ZNF721: variants seen among roughly 807,000 people sequenced by gnomAD.
ZNF721 encodes the protein zinc finger protein 721.
In ZNF721, 2 loss-of-function variants were observed where a neutral mutation model predicts 2.4. The ratio of observed to expected loss-of-function variants is 0.82; its 90% confidence interval spans 0.34 to 2.58. The LOEUF (loss-of-function observed/expected upper bound fraction) is 2.58, where lower values mean the gene tolerates loss of function less well. Among genes scored for constraint, ZNF721 ranks in the 30% most tolerant of loss-of-function variants. The pLI, the probability that ZNF721 is intolerant of heterozygous loss-of-function variation, is 0.11. For synonymous variants in ZNF721, 398 were observed against 381.8 expected (o/e 1.04, Z -0.50); for missense variants, 1,187 against 1,085.5 (o/e 1.09, Z -1.31).
Position 499,112 on chromosome 4 carries a change from G to A in ZNF721, c.-150C>T. 2 of 565,818 alleles carry A rather than the reference G, an allele frequency of 3.5e-6. No individual in the cohort carries two copies. Among genetic ancestry groups the A allele is most frequent in the South Asian group, 2.4e-5 (1 of 42,420 alleles). 35.0% of individuals were successfully genotyped at this position (565,818 alleles called of 1,614,324 possible). A position where few individuals can be genotyped will look rare whatever the true frequency, so the allele number is the denominator to read the frequency against. On this transcript the variant is annotated 5_prime_UTR_variant, in exon 1 of 3. Transcript: ENST00000511833. ...CCGGGAAGACGGCCCCACGGAGCCG[G>A]GAACACCGCCCGCTGTTCGTATGTC...
chr4:449,162 T>G (rs1401375304), intron 2 of ZNF721, among the ~76,000 whole-genome samples: 1 of 152,160 alleles, frequency 6.6e-6, no homozygotes, highest in Non-Finnish European at 1.5e-5. Flanking sequence ...ATAACAACGT[T>G]AATATGACTA....
At chr4:467,610 G>C (rs781991282) in intron 2 of ZNF721, among the ~76,000 whole-genome samples, 3 of 152,200 alleles carry the variant, frequency 2.0e-5, no homozygotes, top group Admixed American at 6.5e-5. Context: ...ATGCAGCTTG[G>C]TCTTACTGAG....
At chr4:491,282 G>A (rs572805373) in intron 1 of ZNF721, among the ~76,000 whole-genome samples, 11 of 152,186 alleles carry the variant, frequency 7.2e-5, no homozygotes, top group African/African-American at 1.4e-4. Flanking sequence ...GACGAGTGTG[G>A]TGGCAGGTGC....
intron 1 of ZNF721, among the ~76,000 whole-genome samples, chr4:476,274 A>C (rs1294629735): frequency 6.6e-6 from 1 of 152,162 alleles, no homozygotes; most frequent in African/African-American, 2.4e-5. Flanking sequence ...GTCCTACTCA[A>C]ACTAATCACC....
At chr4:474,225 C>A (rs534629881) in intron 1 of ZNF721, 1 of 385,694 alleles carries the variant, frequency 2.6e-6, no homozygotes, top group Non-Finnish European at 5.0e-6. Context: ...GTCAAGCGCT[C>A]TGATTGGATA....
rs187147311 is a variant in ZNF721 at position 471,547 on chromosome 4, C to G, written c.34+1028G>C. ...AAAGTAGAATGGCGATTGTTAGTGCCTAAGGGTGGGAATATGAGATGTTCA... is the reference window on the plus strand; with the variant it reads ...AAAGTAGAATGGCGATTGTTAGTGCGTAAGGGTGGGAATATGAGATGTTCA... On this transcript the variant is annotated intron_variant, in intron 2 of 2. Transcript: ENST00000511833. Among the ~76,000 whole-genome samples the G allele has an allele frequency of 9.2e-5, 14 of 152,094 alleles. No individual in the cohort carries two copies. In the East Asian group the frequency reaches 2.7e-3, roughly 29 times the overall value.
intron 2 of ZNF721, among the ~76,000 whole-genome samples, chr4:444,861 T>C (rs1553863970): frequency 6.6e-6 from 1 of 152,096 alleles, no homozygotes; most frequent in East Asian, 1.9e-4. Flanking sequence ...AAAACAGTGC[T>C]GAAAGAAATG....
In ZNF721 at chr4:444,011, C is replaced by G; in HGVS notation, c.456G>C (p.Leu152=). The change falls in exon 3 of 3, where the codon CTG becomes CTC. Residue 152 remains leucine, a synonymous_variant. Transcript: ENST00000511833. The part of the protein sequence containing the change: ...RGKDFGWYTD[L]NQHKKIHTGE... ...CAGTATGAATTTTCTTGTGTTGATTCAGGTCTGTGTACCATCCAAAGTCTT... is the reference window on the plus strand; with the variant it reads ...CAGTATGAATTTTCTTGTGTTGATTGAGGTCTGTGTACCATCCAAAGTCTT... The G allele has an allele frequency of 6.2e-7, 1 of 1,613,614 alleles. No individual in the cohort carries two copies.
At chr4:464,944 G>C (rs1715196703) in intron 2 of ZNF721, among the ~76,000 whole-genome samples, 1 of 151,780 alleles carries the variant, frequency 6.6e-6, no homozygotes, top group Non-Finnish European at 1.5e-5. Context: ...AATTGGCCAG[G>C]TGTGGTGGCA....
chr4:443,417 T>C lies in ZNF721; in HGVS notation c.1050A>G (p.Val350=), dbSNP rs377113244. 9.3e-6 allele frequency: 15 copies of C among 1,613,082 alleles called. No individual in the cohort carries two copies. The highest frequency in any genetic ancestry group is 3.3e-5 in the South Asian group (3 of 90,996). ...KTFRQSANLY[V]HRRIHTGEKP... ...TCTCTCCAGTATGAATTCTCCTATG[T>C]ACGTAAAGGTTTGCGGACTGTCTAA... The change falls in exon 3 of 3, where the codon GTA becomes GTG. Residue 350 remains valine (V), a synonymous_variant. Transcript: ENST00000511833.
chr4:452,101 A>T (rs540900198), intron 2 of ZNF721, among the ~76,000 whole-genome samples: 5 of 152,306 alleles, frequency 3.3e-5, no homozygotes, highest in African/African-American at 1.2e-4. Flanking sequence ...TGCTAATCTG[A>T]CATCCTGACT....
chr4:452,453 T>G (rs1312200337), intron 2 of ZNF721, among the ~76,000 whole-genome samples: 4 of 152,212 alleles, frequency 2.6e-5, no homozygotes, highest in Non-Finnish European at 4.4e-5. Flanking sequence ...AGACATCATA[T>G]GCCCCACATG....
intron 1 of ZNF721, among the ~76,000 whole-genome samples, chr4:496,305 G>A (rs562064572): frequency 6.6e-6 from 1 of 152,238 alleles, no homozygotes; most frequent in Non-Finnish European, 1.5e-5. Flanking sequence ...CCCCCGAACT[G>A]GTTGGGTTCA....
At chr4:483,162 G>A (rs1489185689) in intron 1 of ZNF721, among the ~76,000 whole-genome samples, 3 of 152,210 alleles carry the variant, frequency 2.0e-5, no homozygotes, top group African/African-American at 7.2e-5. Context: ...AGATGTTCAG[G>A]TGGAGCATCA....
At chr4:466,622 CTG>C (rs1715260857) in intron 2 of ZNF721, among the ~76,000 whole-genome samples, 1 of 152,034 alleles carries the variant, frequency 6.6e-6, no homozygotes, top group East Asian at 1.9e-4. Context: ...GTTCCTGTTT[CTG>C]TAGAAATTTC....
chr4:444,943 T>G (rs1428204945), intron 2 of ZNF721, among the ~76,000 whole-genome samples: 1 of 151,474 alleles, frequency 6.6e-6, no homozygotes, highest in Admixed American at 6.6e-5. Flanking sequence ...ACTGAAGTGC[T>G]GAATACAGGC....
At position 441,838 on chromosome 4, in the gene ZNF721, A is replaced by C; in HGVS notation, c.2629T>G (p.Ser877Ala). The change falls in exon 3 of 3, where the codon TCT becomes GCT. Residue 877 changes from serine (S) to alanine (A), a missense_variant. Coordinates refer to ENST00000511833, the MANE Select transcript of ZNF721 (RefSeq NM_133474.4). The part of the protein sequence containing the change: ...CGECGKTFRQ[S>A]ANLYAHKKIH... ...TTCTTATGCGCATAAAGATTTGCAG[A>C]CTGTCTAAAGGTTTTGCCACATTCT... 1 of 1,614,044 alleles carries C rather than the reference A, an allele frequency of 6.2e-7. No individual in the cohort carries two copies. Among genetic ancestry groups the C allele is most frequent in the South Asian group, 1.1e-5 (1 of 91,072 alleles).
At chr4:471,686 A>C (rs1715439351) in intron 2 of ZNF721, among the ~76,000 whole-genome samples, 1 of 152,172 alleles carries the variant, frequency 6.6e-6, no homozygotes. Context: ...TTCCATTTAT[A>C]ATTAATAATA....
chr4:495,988 T>C (rs1483178589), intron 1 of ZNF721, among the ~76,000 whole-genome samples: 1 of 152,234 alleles, frequency 6.6e-6, no homozygotes, highest in Non-Finnish European at 1.5e-5. Context: ...AGAATGCTAC[T>C]TTCAGAAATA....
Sources: gnomAD v4.1 joint callset for allele counts (sites outside exome capture counted in the v4.1 genomes callset) on GRCh38, gnomAD v4.1.1 for gene constraint, MANE v1.5 for transcripts, NCBI Gene and HGNC (gene_info 2026-07-23, HGNC 2026-07-21) for gene names.